Variants in KIF6 observed in about 807,000 individuals in gnomAD.
The protein encoded by KIF6 is kinesin family member 6.
In KIF6, 106 loss-of-function variants were observed where a neutral mutation model predicts 112.7. The ratio of observed to expected loss-of-function variants is 0.94; its 90% CI spans 0.80 to 1.11. KIF6 has a LOEUF of 1.11. Ranked by LOEUF, KIF6 falls within the 50% of genes least tolerant of loss-of-function variation. The probability of loss-of-function intolerance (pLI) is 0.00; values close to 1 mark genes in which losing one functional copy is unlikely to be tolerated. For missense variants in KIF6, 929 were observed against 964.0 expected (o/e 0.96, Z 0.48); for synonymous variants, 339 against 339.9 (o/e 1.00, Z 0.03).
chr6:39,666,073 G>A (rs185025881), intron 3 of KIF6, among the ~76,000 whole-genome samples: 1 of 152,278 alleles, frequency 6.6e-6, no homozygotes, highest in Admixed American at 6.5e-5. Context: ...GTCATCAGCT[G>A]GAAGGAATGT....
At chr6:39,348,469 G>C (rs1306631139) in intron 19 of KIF6, among the ~76,000 whole-genome samples, 4 of 152,178 alleles carry the variant, frequency 2.6e-5, no homozygotes, top group South Asian at 2.1e-4. Context: ...CCTCAAACCT[G>C]TAAGCTGCTC....
intron 10 of KIF6, chr6:39,553,669 T>C (rs1294399693): frequency 2.6e-5 from 4 of 152,254 alleles, no homozygotes; most frequent in African/African-American, 2.4e-5. Context: ...ATTTTGTTTT[T>C]GTCAATCCAG....
rs376409930 is a variant in KIF6 at position 39,634,963 on chromosome 6, T to C, written c.400-5A>G. The C allele has an allele frequency of 1.8e-5, 26 of 1,474,886 alleles. No homozygotes were observed. The highest frequency in any genetic ancestry group is 2.4e-5 in the Non-Finnish European group (25 of 1,053,662). 91.4% of individuals were successfully genotyped at this position (1,474,886 alleles called of 1,614,324 possible). A position where few individuals can be genotyped will look rare whatever the true frequency, so the allele number is the denominator to read the frequency against. ...TGTATATATTTTGCTGCTGTCCTGA[T>C]TGGAAAAGGGAAAGGTATTATTTAT... On this transcript the variant is annotated splice_region_variant and splice_polypyrimidine_tract_variant and intron_variant, in intron 4 of 22. Transcript: ENST00000287152.
At chr6:39,387,184 T>C (rs1350427545) in intron 15 of KIF6, among the ~76,000 whole-genome samples, 1 of 152,134 alleles carries the variant, frequency 6.6e-6, no homozygotes, top group Non-Finnish European at 1.5e-5. Context: ...TTAAGTTATA[T>C]GTAAGGAATT....
At chr6:39,356,277 T>C (rs1009320128) in intron 19 of KIF6, among the ~76,000 whole-genome samples, 1 of 149,120 alleles carries the variant, frequency 6.7e-6, no homozygotes, top group Admixed American at 6.7e-5. Flanking sequence ...ACCTTCTTCT[T>C]TTTTTTTTTT....
chr6:39,712,609 A>T (rs1253478039), intron 3 of KIF6, among the ~76,000 whole-genome samples: 1 of 152,178 alleles, frequency 6.6e-6, no homozygotes, highest in Non-Finnish European at 1.5e-5. Context: ...TCACACCTCT[A>T]ATCCTAGCAC....
At chr6:39,394,159 T>A (rs1360455603) in intron 15 of KIF6, among the ~76,000 whole-genome samples, 1 of 151,950 alleles carries the variant, frequency 6.6e-6, no homozygotes, top group East Asian at 1.9e-4. Flanking sequence ...GGAGAGTGAA[T>A]TGGGTAGGAG....
intron 10 of KIF6, among the ~76,000 whole-genome samples, chr6:39,548,076 G>A (rs778302822): frequency 5.9e-5 from 9 of 152,200 alleles, no homozygotes; most frequent in African/African-American, 1.9e-4. Flanking sequence ...GATTTCCAGA[G>A]TCCATAAAAT....
chr6:39,450,556 G>C (rs2150407461), intron 13 of KIF6, among the ~76,000 whole-genome samples: 1 of 152,320 alleles, frequency 6.6e-6, no homozygotes, highest in East Asian at 1.9e-4. Flanking sequence ...TATAATCCCA[G>C]CACTTTGGGA....
intron 19 of KIF6, among the ~76,000 whole-genome samples, chr6:39,352,859 C>T (rs1196862617): frequency 6.6e-6 from 1 of 152,184 alleles, no homozygotes; most frequent in Non-Finnish European, 1.5e-5. Flanking sequence ...CCACCTTGGC[C>T]TCCCAAAGTG....
chr6:39,525,741 G>A (rs541483445), intron 13 of KIF6, among the ~76,000 whole-genome samples: 2 of 152,056 alleles, frequency 1.3e-5, no homozygotes, highest in African/African-American at 4.8e-5. Context: ...GCAGTGAGCC[G>A]AGATGGCTCC....
intron 3 of KIF6, among the ~76,000 whole-genome samples, chr6:39,641,634 AAAGTAT>A (rs1008633078): frequency 1.3e-5 from 2 of 152,122 alleles, no homozygotes; most frequent in Admixed American, 6.6e-5. Flanking sequence ...CCTAAAACTT[AAAGTAT>A]AATATATATA....
At chr6:39,366,004 T>C (rs980166293) in intron 16 of KIF6, among the ~76,000 whole-genome samples, 14 of 152,226 alleles carry the variant, frequency 9.2e-5, no homozygotes, top group African/African-American at 3.4e-4. Context: ...GGAGGCAGGC[T>C]CTTGCCTCAG....
intron 6 of KIF6, among the ~76,000 whole-genome samples, chr6:39,597,381 G>T (rs1027257021): frequency 5.3e-5 from 8 of 152,140 alleles, no homozygotes; most frequent in African/African-American, 1.9e-4. Flanking sequence ...ATTTATCAAG[G>T]TATACCACAA....
At chr6:39,341,329 C>T (rs934703856) in intron 22 of KIF6, among the ~76,000 whole-genome samples, 7 of 146,950 alleles carry the variant, frequency 4.8e-5, no homozygotes, top group African/African-American at 1.7e-4. Flanking sequence ...GGAGCTTGTG[C>T]TTCTCCAGCT....
intron 10 of KIF6, among the ~76,000 whole-genome samples, chr6:39,559,278 G>A (rs2150592831): frequency 6.6e-6 from 1 of 152,274 alleles, no homozygotes; most frequent in Non-Finnish European, 1.5e-5. Context: ...TAAGTTAGCA[G>A]ATAATCTGCT....
chr6:39,617,812 G>C, intron 5 of KIF6: 1 of 448,824 alleles, frequency 2.2e-6, no homozygotes, highest in South Asian at 1.6e-5. Flanking sequence ...CATGACAATG[G>C]GTGGGGGTGC....
At chr6:39,699,295 A>G (rs1311821623) in intron 3 of KIF6, among the ~76,000 whole-genome samples, 2 of 152,156 alleles carry the variant, frequency 1.3e-5, no homozygotes, top group African/African-American at 2.4e-5. Context: ...AGTTTTTAGT[A>G]GCCTGGTCAG....
intron 6 of KIF6, among the ~76,000 whole-genome samples, chr6:39,597,708 G>A (rs542625610): frequency 5.3e-5 from 8 of 152,218 alleles, no homozygotes; most frequent in African/African-American, 1.4e-4. Flanking sequence ...TCAACCCAAG[G>A]AGGTAATGGA....
Sources: gnomAD v4.1 joint callset for allele counts (sites outside exome capture counted in the v4.1 genomes callset) on GRCh38, gnomAD v4.1.1 for gene constraint, MANE v1.5 for transcripts, NCBI Gene and HGNC (gene_info 2026-07-23, HGNC 2026-07-21) for gene names.